Variants in MBNL1 observed in about 807,000 individuals in gnomAD.
MBNL1 encodes muscleblind like splicing regulator 1, also known as muscleblind-like protein 1.
A neutral mutation model predicts 42.2 loss-of-function variants in MBNL1; 8 were observed. The observed-to-expected ratio is 0.19, with a 90% confidence interval of 0.11 to 0.34. The LOEUF (loss-of-function observed/expected upper bound fraction) is 0.34. Among genes scored for constraint, MBNL1 ranks in the 10% least tolerant of loss-of-function variants. The pLI is 1.00. For missense variants in MBNL1, 309 were observed against 495.3 expected (o/e 0.62, Z 3.57); for synonymous variants, 169 against 173.9 (o/e 0.97, Z 0.22).
intron 2 of MBNL1, among the ~76,000 whole-genome samples, chr3:152,336,828 G>A (rs2090535216): frequency 6.6e-6 from 1 of 152,114 alleles, no homozygotes; most frequent in African/African-American, 2.4e-5. Context: ...AAGTAAAATA[G>A]ACTACTGTTA....
rs1393367429 is a variant in MBNL1, at chr3:152,465,258, G to T, written c.*2892G>T. 1.3e-5 allele frequency: 2 copies of T among 152,156 alleles called. No individual in the cohort carries two copies. The highest frequency in any genetic ancestry group is 4.8e-5 in the African/African-American group (2 of 41,426). 9.4% of individuals were successfully genotyped at this position (152,156 alleles called of 1,614,324 possible). Reference sequence around the variant, plus strand: ...ACATATATTATTCAGATCAGTTTCTGCCAATTTCAGTGGTTTATTGTTCAC... The same window carrying T: ...ACATATATTATTCAGATCAGTTTCTTCCAATTTCAGTGGTTTATTGTTCAC... On this transcript the variant is annotated 3_prime_UTR_variant, in exon 10 of 10. Transcript: ENST00000324210.
chr3:152,439,932 G>A (rs1189806416), intron 4 of MBNL1, among the ~76,000 whole-genome samples: 2 of 152,188 alleles, frequency 1.3e-5, no homozygotes, highest in African/African-American at 2.4e-5. Flanking sequence ...TTTCAAAGTT[G>A]TGTCTATTTT....
intron 1 of MBNL1, among the ~76,000 whole-genome samples, chr3:152,286,411 T>TTTAA (rs1278033405): frequency 2.5e-5 from 3 of 120,702 alleles, no homozygotes; most frequent in Admixed American, 8.8e-5. Flanking sequence ...AATATAAATA[T>TTTAA]TTATATTTTA....
chr3:152,397,972 T>C (rs1247280090), intron 2 of MBNL1, among the ~76,000 whole-genome samples: 2 of 152,212 alleles, frequency 1.3e-5, no homozygotes, highest in African/African-American at 4.8e-5. Context: ...TGCTACATAG[T>C]CTTTTCAAAC....
intron 7 of MBNL1, 40 bp from the exon 8 acceptor site, chr3:152,456,226 AC>A: frequency 7.3e-7 from 1 of 1,361,412 alleles, no homozygotes; most frequent in Non-Finnish European, 1.1e-6. Context: ...ATATTGCTAC[AC>A]TCTTCTGTAT....
At chr3:152,397,609 A>G (rs2098027393) in intron 2 of MBNL1, among the ~76,000 whole-genome samples, 1 of 152,162 alleles carries the variant, frequency 6.6e-6, no homozygotes, top group African/African-American at 2.4e-5. Flanking sequence ...TGTTTTAAGC[A>G]TAAATAATAA....
chr3:152,283,979 C>CT (rs1577103835), intron 1 of MBNL1, among the ~76,000 whole-genome samples: 1 of 152,114 alleles, frequency 6.6e-6, no homozygotes, highest in South Asian at 2.1e-4. Context: ...TTCTCGCTTC[C>CT]TTTTTTATAT....
chr3:152,422,081 T>C (rs1424474091), intron 3 of MBNL1, among the ~76,000 whole-genome samples: 1 of 151,972 alleles, frequency 6.6e-6, no homozygotes, highest in Non-Finnish European at 1.5e-5. Context: ...CACATAACAA[T>C]ATTAACCTTA....
chr3:152,428,118 A>C (rs745822252), intron 3 of MBNL1, among the ~76,000 whole-genome samples: 1 of 152,082 alleles, frequency 6.6e-6, no homozygotes, highest in East Asian at 1.9e-4. Context: ...TAATTATTGA[A>C]TTTTGAGGTA....
At chr3:152,320,941 A>G (rs777173533) in intron 2 of MBNL1, among the ~76,000 whole-genome samples, 1 of 152,084 alleles carries the variant, frequency 6.6e-6, no homozygotes, top group African/African-American at 2.4e-5. Context: ...TGAATACTTT[A>G]TAGTGTTGCA....
chr3:152,275,430 G>A (rs1290681408), intron 1 of MBNL1, among the ~76,000 whole-genome samples: 1 of 152,082 alleles, frequency 6.6e-6, no homozygotes, highest in Admixed American at 6.6e-5. Context: ...CTAATGTTTG[G>A]CTGTGTGCAG....
intron 2 of MBNL1, among the ~76,000 whole-genome samples, chr3:152,348,797 T>C (rs183867250): frequency 5.5e-4 from 84 of 152,250 alleles, no homozygotes; most frequent in African/African-American, 1.9e-3. Context: ...CAGAGTACTT[T>C]GTACTTTTAA....
At chr3:152,325,745 T>TA (rs569447201) in intron 2 of MBNL1, among the ~76,000 whole-genome samples, 2,657 of 138,898 alleles carry the variant, frequency 0.019, 33 homozygotes, top group Middle Eastern at 0.046. Context: ...TTAGAAATAT[T>TA]AAAAAAAAAA....
intron 2 of MBNL1, among the ~76,000 whole-genome samples, chr3:152,308,629 G>A (rs932647210): frequency 3.3e-5 from 5 of 152,102 alleles, no homozygotes; most frequent in African/African-American, 1.2e-4. Context: ...CAGCCTGCCT[G>A]TTTTTTGAAT....
chr3:152,263,428 C>G (rs544984678), upstream of MBNL1: 1 of 152,172 alleles, frequency 6.6e-6, no homozygotes, highest in Non-Finnish European at 1.5e-5. Context: ...CCACATCTCC[C>G]TTCCCTCAAG....
intron 2 of MBNL1, among the ~76,000 whole-genome samples, chr3:152,313,375 G>A (rs1238915807): frequency 2.6e-5 from 4 of 152,126 alleles, no homozygotes; most frequent in Non-Finnish European, 5.9e-5. Context: ...AGCCTAAACC[G>A]TGGATTCAGC....
intron 3 of MBNL1, among the ~76,000 whole-genome samples, chr3:152,419,613 A>G (rs2098764943): frequency 6.6e-6 from 1 of 152,140 alleles, no homozygotes; most frequent in Non-Finnish European, 1.5e-5. Flanking sequence ...TGCCTACACC[A>G]CCAGGGCCCT....
chr3:152,421,821 G>A (rs2098809977), intron 3 of MBNL1, among the ~76,000 whole-genome samples: 1 of 152,120 alleles, frequency 6.6e-6, no homozygotes, highest in Non-Finnish European at 1.5e-5. Flanking sequence ...TTCATAGCCA[G>A]ACAAACTACG....
chr3:152,386,623 T>TA lies in MBNL1; in HGVS notation c.175-28317dup, dbSNP rs1253103199. 2.0e-5 allele frequency among the ~76,000 whole-genome samples: 3 copies of TA among 152,122 alleles called. No homozygotes were observed. The East Asian group carries it at 5.8e-4, about 29-fold the overall frequency. On this transcript the variant is annotated intron_variant, in intron 2 of 9. Coordinates refer to ENST00000324210, the MANE Select transcript of MBNL1 (RefSeq NM_021038.5). The stretch of plus-strand genomic sequence containing the variant: ...GTGTAGTAAGTTGCTGTACAGATGA[T>TA]ACATCTATCTCAACATCCCGTTGGT...
Sources: gnomAD v4.1 joint callset for allele counts (sites outside exome capture counted in the v4.1 genomes callset) on GRCh38, gnomAD v4.1.1 for gene constraint, MANE v1.5 for transcripts, NCBI Gene and HGNC (gene_info 2026-07-23, HGNC 2026-07-21) for gene names.